STIM2: variants seen among roughly 807,000 people sequenced by gnomAD.
STIM2 encodes stromal interaction molecule 2.
A neutral mutation model predicts 85.8 loss-of-function variants in STIM2; 31 were observed. That is an observed-to-expected ratio of 0.36 (90% CI 0.27 to 0.49). The LOEUF is 0.49. Ranked by LOEUF, STIM2 falls within the 20% of genes least tolerant of loss-of-function variation. The probability of loss-of-function intolerance (pLI) is 0.98; values close to 1 mark genes in which losing one functional copy is unlikely to be tolerated. For synonymous variants in STIM2, 356 were observed against 331.1 expected (o/e 1.08, Z -0.82); for missense variants, 841 against 927.6 (o/e 0.91, Z 1.21).
intron 11 of STIM2, chr4:27,021,622 T>C: frequency 4.4e-6 from 2 of 456,702 alleles, no homozygotes; most frequent in Non-Finnish European, 8.8e-6. Flanking sequence ...AGTAAGTGAA[T>C]GATATGTTTT....
intron 1 of STIM2, among the ~76,000 whole-genome samples, chr4:26,867,812 C>A (rs549904893): frequency 6.6e-6 from 1 of 152,208 alleles, no homozygotes; most frequent in African/African-American, 2.4e-5. Flanking sequence ...AACTGTTTTC[C>A]TTGACTGGTT....
chr4:26,962,459 C>T (rs900876185), intron 3 of STIM2, among the ~76,000 whole-genome samples: 11 of 152,076 alleles, frequency 7.2e-5, no homozygotes, highest in African/African-American at 2.7e-4. Flanking sequence ...GAAATGTACC[C>T]AAGATCTTTC....
chr4:26,934,533 T>C (rs1302793889), intron 2 of STIM2, among the ~76,000 whole-genome samples: 2 of 152,226 alleles, frequency 1.3e-5, no homozygotes, highest in Admixed American at 1.3e-4. Flanking sequence ...AGCACATTAG[T>C]TGCTGACCTT....
Position 27,003,113 on chromosome 4 carries a change from AT to A in STIM2, c.981+11del. On this transcript the variant is annotated intron_variant, in intron 7 of 11. Transcript: ENST00000467087. ...AACAGGAATTGGAACAGGTATTTACATTAAAAAAAAAATCACTTGTAAAGAT... is the reference window on the plus strand; with the variant it reads ...AACAGGAATTGGAACAGGTATTTACATAAAAAAAAAATCACTTGTAAAGAT... 1 of 1,556,686 alleles carries A rather than the reference AT, an allele frequency of 6.4e-7. No homozygotes were observed. The highest frequency in any genetic ancestry group is 1.3e-5 in the South Asian group (1 of 79,136).
At chr4:27,007,482 C>G in intron 7 of STIM2, 51 bp from the exon 8 acceptor site, 3 of 1,227,634 alleles carry the variant, frequency 2.4e-6, no homozygotes, top group African/African-American at 1.6e-5. Context: ...ATATTTTAAT[C>G]CTTCCTTCCT....
chr4:26,997,254 A>G, intron 4 of STIM2, among the ~76,000 whole-genome samples: 1 of 152,210 alleles, frequency 6.6e-6, no homozygotes, highest in East Asian at 1.9e-4. Flanking sequence ...AAGAAAATGT[A>G]TTACATATTC....
At chr4:26,963,031 G>T (rs532054590) in intron 3 of STIM2, among the ~76,000 whole-genome samples, 40 of 152,168 alleles carry the variant, frequency 2.6e-4, no homozygotes, top group African/African-American at 9.4e-4. Flanking sequence ...TTATTTAAGG[G>T]TTAAAAATTT....
At position 26,911,008 on chromosome 4, in the gene STIM2, G is replaced by A. The variant is rs907069429; in HGVS notation, c.152-8496G>A. Among the ~76,000 whole-genome samples, 3 of 152,012 alleles carry A rather than the reference G, an allele frequency of 2.0e-5. No homozygotes were observed. The East Asian group carries it at 5.8e-4, about 29-fold the overall frequency. On this transcript the variant is annotated intron_variant, in intron 1 of 11. Coordinates refer to ENST00000467087, the MANE Select transcript of STIM2 (RefSeq NM_020860.4). ...TCCCAGCACTTTGAGAGGCTGAGGCGGGCAGATCACCTGAGGTCAGGAGTT... is the reference window on the plus strand; with the variant it reads ...TCCCAGCACTTTGAGAGGCTGAGGCAGGCAGATCACCTGAGGTCAGGAGTT...
At position 27,024,288 on chromosome 4, in the gene STIM2, A is replaced by G. The variant is rs1442095520; in HGVS notation, c.*1292A>G. ...AAAACAGTAGAGAGTTAAGTTCCAT[A>G]TAGCAACAAAGTATGTTAACATCTA... On this transcript the variant is annotated 3_prime_UTR_variant, in exon 12 of 12. Transcript: ENST00000467087. 6.6e-6 allele frequency: 1 copy of G among 152,226 alleles called. No homozygotes were observed. Among genetic ancestry groups the G allele is most frequent in the African/African-American group, 2.4e-5 (1 of 41,472 alleles). 9.4% of individuals were successfully genotyped at this position (152,226 alleles called of 1,614,324 possible).
intron 1 of STIM2, among the ~76,000 whole-genome samples, chr4:26,863,224 A>G (rs950644899): frequency 1.3e-4 from 20 of 152,188 alleles, no homozygotes; most frequent in Admixed American, 9.8e-4. Flanking sequence ...GATGTATCAC[A>G]CAAAATGAGT....
At chr4:26,898,768 C>T (rs768016781) in intron 1 of STIM2, among the ~76,000 whole-genome samples, 9 of 151,966 alleles carry the variant, frequency 5.9e-5, no homozygotes, top group Non-Finnish European at 1.0e-4. Context: ...CTTTATGTAT[C>T]ATTTTGAATT....
intron 3 of STIM2, among the ~76,000 whole-genome samples, chr4:26,976,507 C>T (rs556157395): frequency 1.3e-5 from 2 of 150,732 alleles, no homozygotes; most frequent in South Asian, 4.3e-4. Context: ...AAAAATCAGA[C>T]TCACCTGCTT....
At chr4:26,861,944 C>T (rs1198261381) in intron 1 of STIM2, among the ~76,000 whole-genome samples, 2 of 151,896 alleles carry the variant, frequency 1.3e-5, no homozygotes, top group Admixed American at 1.3e-4. Flanking sequence ...GCATTTTTTG[C>T]GGGGTGGAAG....
chr4:27,007,048 T>A (rs570768340), intron 7 of STIM2, among the ~76,000 whole-genome samples: 2 of 152,376 alleles, frequency 1.3e-5, no homozygotes, highest in African/African-American at 4.8e-5. Context: ...TAGGCTCTTC[T>A]GGAAACATTA....
At chr4:26,997,459 A>C (rs1010329251) in intron 4 of STIM2, among the ~76,000 whole-genome samples, 1 of 152,192 alleles carries the variant, frequency 6.6e-6, no homozygotes, top group South Asian at 2.1e-4. Context: ...CACCTGACAC[A>C]TACCACCTCA....
intron 2 of STIM2, among the ~76,000 whole-genome samples, chr4:26,936,644 T>G (rs183110021): frequency 2.5e-4 from 38 of 152,344 alleles, no homozygotes; most frequent in Non-Finnish European, 5.1e-4. Context: ...TGGAAAGATA[T>G]GCTTCACTTA....
intron 2 of STIM2, among the ~76,000 whole-genome samples, chr4:26,952,045 T>A (rs1424929938): frequency 6.6e-6 from 1 of 152,134 alleles, no homozygotes; most frequent in African/African-American, 2.4e-5. Flanking sequence ...CCATCAGATC[T>A]TGTGAGACTT....
chr4:26,985,359 G>A (rs1212444512), intron 3 of STIM2, among the ~76,000 whole-genome samples: 1 of 152,038 alleles, frequency 6.6e-6, no homozygotes, highest in East Asian at 1.9e-4. Context: ...GTGTATCAGT[G>A]TAAAGAGAAA....
chr4:26,908,422 G>A (rs993461593), intron 1 of STIM2, among the ~76,000 whole-genome samples: 3 of 152,184 alleles, frequency 2.0e-5, no homozygotes, highest in Non-Finnish European at 4.4e-5. Context: ...AGAAGTGGTA[G>A]TATGAGACTA....
Sources: gnomAD v4.1 joint callset for allele counts (sites outside exome capture counted in the v4.1 genomes callset) on GRCh38, gnomAD v4.1.1 for gene constraint, MANE v1.5 for transcripts, NCBI Gene and HGNC (gene_info 2026-07-23, HGNC 2026-07-21) for gene names.